AKAP12: variants seen among roughly 807,000 people sequenced by gnomAD.
AKAP12 encodes the protein A-kinase anchoring protein 12, also known as A-kinase anchor protein 12.
AKAP12 carries 32 observed loss-of-function variants against 79.9 expected under a neutral mutation model. The observed-to-expected ratio is 0.40, with a 90% confidence interval of 0.30 to 0.54. The LOEUF is 0.54. Ranked by LOEUF, AKAP12 falls within the 20% of genes least tolerant of loss-of-function variation. AKAP12 has a pLI of 0.48. For synonymous variants in AKAP12, 808 were observed against 857.0 expected, an observed-to-expected ratio of 0.94 and a Z score of 1.00; for missense variants, 2,074 against 2,177.0, an observed-to-expected ratio of 0.95 and a Z score of 0.94.
At chr6:151,331,795 G>T (rs1278535899) in intron 3 of AKAP12, among the ~76,000 whole-genome samples, 1 of 149,000 alleles carries the variant, frequency 6.7e-6, no homozygotes, top group Non-Finnish European at 1.5e-5. Flanking sequence ...TGAGGCAGGA[G>T]AATGGCATGA....
At chr6:151,297,019 G>GTTTTTTTT (rs36046672) in intron 2 of AKAP12, among the ~76,000 whole-genome samples, 20 of 127,658 alleles carry the variant, frequency 1.6e-4, no homozygotes, top group East Asian at 9.4e-4. Flanking sequence ...AAATAAAAGG[G>GTTTTTTTT]TTTTTTTTTT....
intron 2 of AKAP12, among the ~76,000 whole-genome samples, chr6:151,294,409 G>A (rs886385081): frequency 2.0e-5 from 3 of 152,224 alleles, no homozygotes; most frequent in Admixed American, 6.5e-5. Context: ...CCCATGTCCT[G>A]TAATTACTGT....
At chr6:151,293,174 A>T (rs1473786689) in intron 2 of AKAP12, among the ~76,000 whole-genome samples, 1 of 152,210 alleles carries the variant, frequency 6.6e-6, no homozygotes, top group Non-Finnish European at 1.5e-5. Flanking sequence ...CAAGGATGTG[A>T]TGTAATTATT....
chr6:151,334,388 G>T (rs193161032), intron 3 of AKAP12, among the ~76,000 whole-genome samples: 1 of 152,156 alleles, frequency 6.6e-6, no homozygotes, highest in Non-Finnish European at 1.5e-5. Flanking sequence ...GAGGTCAGGA[G>T]TTCGAGACCA....
At chr6:151,287,897 A>C (rs1212238032) in intron 2 of AKAP12, among the ~76,000 whole-genome samples, 3 of 152,210 alleles carry the variant, frequency 2.0e-5, no homozygotes, top group Non-Finnish European at 4.4e-5. Context: ...AGAAAGGACG[A>C]GTTCATGTCC....
At chr6:151,246,183 C>T (rs1333244862) in intron 2 of AKAP12, among the ~76,000 whole-genome samples, 3 of 152,152 alleles carry the variant, frequency 2.0e-5, no homozygotes. Flanking sequence ...CTTTGGGAGG[C>T]CGAGGCAGGT....
chr6:151,328,843 CA>C (rs768282769), intron 3 of AKAP12, among the ~76,000 whole-genome samples: 1 of 152,020 alleles, frequency 6.6e-6, no homozygotes, highest in Non-Finnish European at 1.5e-5. Context: ...AACAAGTTTG[CA>C]TTTCTGAAAG....
intron 3 of AKAP12, among the ~76,000 whole-genome samples, chr6:151,334,342 C>G (rs1465528922): frequency 1.3e-5 from 2 of 152,042 alleles, no homozygotes; most frequent in Non-Finnish European, 2.9e-5. Flanking sequence ...GCCTGTAATC[C>G]CAACACTTTC....
intron 3 of AKAP12, among the ~76,000 whole-genome samples, chr6:151,335,854 T>C (rs1289961588): frequency 6.6e-6 from 1 of 152,234 alleles, no homozygotes; most frequent in East Asian, 1.9e-4. Context: ...GTTTGGGCTC[T>C]AGTGTACCCG....
At chr6:151,270,301 G>C (rs916967306) in intron 2 of AKAP12, among the ~76,000 whole-genome samples, 19 of 152,152 alleles carry the variant, frequency 1.2e-4, no homozygotes, top group Admixed American at 1.0e-3. Context: ...CAGGTGATCT[G>C]CCCGCCTCGG....
At chr6:151,303,141 C>T (rs756738328) in intron 2 of AKAP12, among the ~76,000 whole-genome samples, 17 of 152,036 alleles carry the variant, frequency 1.1e-4, no homozygotes, top group Admixed American at 3.3e-4. Context: ...TGCAGTGAGC[C>T]AAGATCATGC....
At chr6:151,260,069 T>C (rs1352698822) in intron 2 of AKAP12, among the ~76,000 whole-genome samples, 1 of 152,206 alleles carries the variant, frequency 6.6e-6, no homozygotes, top group Non-Finnish European at 1.5e-5. Context: ...AATCAACTAA[T>C]AAAGAATCAG....
chr6:151,264,250 A>G (rs1023043900), intron 2 of AKAP12, among the ~76,000 whole-genome samples: 1 of 152,102 alleles, frequency 6.6e-6, no homozygotes, highest in African/African-American at 2.4e-5. Flanking sequence ...CCTTGAGGAC[A>G]AGAGGCCAAA....
At chr6:151,313,235 C>T (rs1347758918) in intron 3 of AKAP12, among the ~76,000 whole-genome samples, 2 of 152,122 alleles carry the variant, frequency 1.3e-5, no homozygotes, top group African/African-American at 2.4e-5. Flanking sequence ...CTGACCTGCA[C>T]GTGATTAAAT....
chr6:151,324,063 C>T, intron 3 of AKAP12: 3 of 985,380 alleles, frequency 3.0e-6, no homozygotes, highest in Non-Finnish European at 3.6e-6. Flanking sequence ...TGCCCTGCCC[C>T]CTTGGCTCTG....
intron 3 of AKAP12, among the ~76,000 whole-genome samples, chr6:151,345,427 C>T (rs1778063814): frequency 6.6e-6 from 1 of 151,204 alleles, no homozygotes. Flanking sequence ...TATATTTTTT[C>T]AGGTTTTGTT....
chr6:151,357,201 T>G lies in AKAP12; in HGVS notation c.*1487T>G. 6.5e-6 allele frequency: 1 copy of G among 154,278 alleles called. No individual in the cohort carries two copies. The highest frequency in any genetic ancestry group is 1.9e-4 in the East Asian group (1 of 5,356). The allele number at this position is 154,278 out of a possible 1,614,324, so 9.6% of individuals were successfully genotyped here. ...GTTTTTTTGTTTGTTTGTTTGTTTG[T>G]TTTTGAGACAGAGTTTCGCTCTTGT... On this transcript the variant is annotated 3_prime_UTR_variant, in exon 5 of 5. Coordinates refer to ENST00000402676, the MANE Select transcript of AKAP12 (RefSeq NM_005100.4).
chr6:151,314,910 G>A (rs1465934390), intron 3 of AKAP12, among the ~76,000 whole-genome samples: 4 of 152,002 alleles, frequency 2.6e-5, no homozygotes, highest in East Asian at 1.9e-4. Context: ...AAATTAGCCC[G>A]GCATGGTGGC....
At chr6:151,307,330 A>C (rs998496456) in intron 3 of AKAP12, among the ~76,000 whole-genome samples, 37 of 152,186 alleles carry the variant, frequency 2.4e-4, no homozygotes, top group Non-Finnish European at 4.9e-4. Context: ...CTGTGCTCTC[A>C]CTGTGCCGGG....
Sources: allele counts gnomAD v4.1 joint callset (sites outside exome capture counted in the v4.1 genomes callset), GRCh38; gene constraint gnomAD v4.1.1; transcripts MANE v1.5; gene names NCBI Gene and HGNC (gene_info 2026-07-23, HGNC 2026-07-21).